The following FRMD3 variants were observed in gnomAD, a reference collection of about 807,000 sequenced individuals.
The protein encoded by FRMD3 is FERM domain containing 3, also known as FERM domain-containing protein 3.
In FRMD3, 33 loss-of-function variants were observed where a neutral mutation model predicts 70.2. The ratio of observed to expected loss-of-function variants is 0.47; its 90% CI spans 0.36 to 0.63. The LOEUF (loss-of-function observed/expected upper bound fraction) is 0.63. FRMD3 is among the 20% of genes least tolerant of loss of function. The pLI is 0.00. For synonymous variants in FRMD3, 279 were observed against 255.9 expected (o/e 1.09, Z -0.86); for missense variants, 632 against 711.4 (o/e 0.89, Z 1.27).
At chr9:83,251,387 T>C (rs963500068) in intron 13 of FRMD3, among the ~76,000 whole-genome samples, 2 of 152,160 alleles carry the variant, frequency 1.3e-5, no homozygotes, top group African/African-American at 4.8e-5. Context: ...AGATCGAAGA[T>C]AGATAAGCCC....
chr9:83,561,275 T>C, the FRMD3 span, among the ~76,000 whole-genome samples: 1 of 152,284 alleles, frequency 6.6e-6, no homozygotes, highest in African/African-American at 2.4e-5. Context: ...GCTTCTAACA[T>C]GTGTGATGGC....
chr9:83,536,382 A>G (rs1829892164), intron 1 of FRMD3, among the ~76,000 whole-genome samples: 1 of 152,204 alleles, frequency 6.6e-6, no homozygotes, highest in Non-Finnish European at 1.5e-5. Flanking sequence ...CAAGTGGTAC[A>G]GGGCAGAAGA....
chr9:83,244,247 G>A (rs1307196796), downstream of FRMD3, among the ~76,000 whole-genome samples: 1 of 152,150 alleles, frequency 6.6e-6, no homozygotes, highest in African/African-American at 2.4e-5. Flanking sequence ...GGCGTGGGAA[G>A]GCACCCTTTT....
At chr9:83,419,073 G>C (rs752423788) in intron 1 of FRMD3, among the ~76,000 whole-genome samples, 7 of 152,120 alleles carry the variant, frequency 4.6e-5, no homozygotes, top group Non-Finnish European at 7.4e-5. Context: ...CTTGTAAGTG[G>C]GAGCTAAGCT....
At chr9:83,492,857 T>A (rs1239132141) in intron 1 of FRMD3, among the ~76,000 whole-genome samples, 1 of 152,124 alleles carries the variant, frequency 6.6e-6, no homozygotes, top group East Asian at 1.9e-4. Flanking sequence ...GATGGAAAAT[T>A]CGTCAAGCTC....
upstream of FRMD3, among the ~76,000 whole-genome samples, chr9:83,539,021 A>G (rs1050882763): frequency 6.6e-6 from 1 of 152,166 alleles, no homozygotes; most frequent in Non-Finnish European, 1.5e-5. Context: ...CTCTTTCTCC[A>G]AAAAAGAGCC....
chr9:83,533,984 C>T (rs1041546808), intron 1 of FRMD3, among the ~76,000 whole-genome samples: 21 of 151,992 alleles, frequency 1.4e-4, no homozygotes, highest in Admixed American at 1.3e-4. Context: ...ATAACAATGC[C>T]GGTGTCTAAA....
intron 10 of FRMD3, among the ~76,000 whole-genome samples, chr9:83,306,484 A>G (rs972547595): frequency 3.3e-5 from 5 of 152,170 alleles, no homozygotes; most frequent in Admixed American, 6.5e-5. Context: ...CATTCCTGCC[A>G]TGGTACCCTA....
chr9:83,320,765 A>C (rs980953607), intron 6 of FRMD3, among the ~76,000 whole-genome samples: 1 of 152,120 alleles, frequency 6.6e-6, no homozygotes, highest in African/African-American at 2.4e-5. Flanking sequence ...TCTTCTTTGC[A>C]TGTTCTCTAG....
intron 1 of FRMD3, among the ~76,000 whole-genome samples, chr9:83,414,235 T>C (rs1347256602): frequency 6.6e-6 from 1 of 152,190 alleles, no homozygotes; most frequent in East Asian, 1.9e-4. Context: ...GTTGCACAAC[T>C]CTGTAAATTT....
At position 83,248,380 on chromosome 9, in the gene FRMD3, T is replaced by C. The variant is rs531442639; in HGVS notation, c.1332A>G (p.Glu444=). ...GGCTGGCACTTGGGTTGTACACTAG[T>C]TCAGAGATGGTTAAAGGTTCTTCTT... ...KIKEEPLTIS[E]LVYNPSASLL... Residue 444 remains glutamate, a synonymous_variant, in exon 14 of 14, where the codon GAA becomes GAG. Transcript: ENST00000304195. The C allele has an allele frequency of 6.2e-7, 1 of 1,614,154 alleles. No homozygotes were observed. Among genetic ancestry groups the C allele is most frequent in the South Asian group, 1.1e-5 (1 of 91,080 alleles).
At chr9:83,273,028 G>A (rs1833656041) in intron 13 of FRMD3, among the ~76,000 whole-genome samples, 1 of 122,974 alleles carries the variant, frequency 8.1e-6, no homozygotes, top group African/African-American at 3.1e-5. Context: ...CCCCCACCCA[G>A]CCAGCTGCCC....
intron 2 of FRMD3, among the ~76,000 whole-genome samples, chr9:83,376,175 A>AT (rs1491571441): frequency 2.9e-5 from 1 of 34,032 alleles, no homozygotes; most frequent in Non-Finnish European, 6.8e-5. Context: ...AAAAAAAAAA[A>AT]GTTAAAAAAA....
the FRMD3 span, among the ~76,000 whole-genome samples, chr9:83,555,822 G>A: frequency 2.5e-4 from 38 of 152,326 alleles, 1 homozygote; most frequent in Middle Eastern, 0.02. Context: ...CTGTCAGACT[G>A]AGGACTGAAG....
chr9:83,246,531 GC>G lies in FRMD3; in HGVS notation c.*1386del. 1 of 985,154 alleles carries G rather than the reference GC, an allele frequency of 1.0e-6. No homozygotes were observed. The highest frequency in any genetic ancestry group is 1.2e-6 in the Non-Finnish European group (1 of 829,882). The allele number at this position is 985,154 out of a possible 1,614,324, so 61.0% of individuals were successfully genotyped here. A position where few individuals can be genotyped will look rare whatever the true frequency, so the allele number is the denominator to read the frequency against. ...CTGAACTGGTATGTCATCTCATGAGGCCTCTCCAGTTTCTCTATGGAAGTCA... is the reference window on the plus strand; with the variant it reads ...CTGAACTGGTATGTCATCTCATGAGGCTCTCCAGTTTCTCTATGGAAGTCA... On this transcript the variant is annotated 3_prime_UTR_variant, in exon 14 of 14. Coordinates refer to ENST00000304195, the MANE Select transcript of FRMD3 (RefSeq NM_174938.6).
Position 83,247,852 on chromosome 9 carries a change from G to C in FRMD3, c.*66C>G. 1.3e-6 allele frequency: 2 copies of C among 1,569,700 alleles called. No individual in the cohort carries two copies. The highest frequency in any genetic ancestry group is 1.4e-5 in the African/African-American group (1 of 73,858). On this transcript the variant is annotated 3_prime_UTR_variant, in exon 14 of 14. Transcript: ENST00000304195. ...ACAGCCCCGTGACCCTTCAGAACCAGGCATTTGCTGAAAAAAAGAAATCAC... is the reference window on the plus strand; with the variant it reads ...ACAGCCCCGTGACCCTTCAGAACCACGCATTTGCTGAAAAAAAGAAATCAC...
intron 1 of FRMD3, among the ~76,000 whole-genome samples, chr9:83,444,223 G>A (rs536362427): frequency 1.1e-3 from 170 of 152,310 alleles, no homozygotes; most frequent in African/African-American, 3.7e-3. Flanking sequence ...TGGGAGATGC[G>A]GGCTAGACCT....
intron 1 of FRMD3, among the ~76,000 whole-genome samples, chr9:83,523,337 A>G (rs570552949): frequency 6.6e-6 from 1 of 152,230 alleles, no homozygotes; most frequent in Admixed American, 6.5e-5. Flanking sequence ...ATAGATAGAT[A>G]GATGGATGAA....
chr9:83,488,684 T>C (rs1011983988), intron 1 of FRMD3, among the ~76,000 whole-genome samples: 1 of 152,220 alleles, frequency 6.6e-6, no homozygotes, highest in African/African-American at 2.4e-5. Context: ...ACCCACTCAA[T>C]GGTGAGGTTT....
Sources: gnomAD v4.1 joint callset for allele counts (sites outside exome capture counted in the v4.1 genomes callset) on GRCh38, gnomAD v4.1.1 for gene constraint, MANE v1.5 for transcripts, NCBI Gene and HGNC (gene_info 2026-07-23, HGNC 2026-07-21) for gene names.